Variants in ZFAT observed in about 807,000 individuals in gnomAD.
The protein encoded by ZFAT is zinc finger protein ZFAT.
ZFAT carries 64 observed loss-of-function variants against 117.7 expected under a neutral mutation model. The ratio of observed to expected loss-of-function variants is 0.54; its 90% confidence interval spans 0.44 to 0.67. The LOEUF (loss-of-function observed/expected upper bound fraction) is 0.67. Ranked by LOEUF, ZFAT falls within the 30% of genes least tolerant of loss-of-function variation. ZFAT has a pLI of 0.00. For missense variants in ZFAT, 1,433 were observed against 1,584.5 expected, an observed-to-expected ratio of 0.90 and a Z score of 1.62; for synonymous variants, 679 against 615.0, an observed-to-expected ratio of 1.10 and a Z score of -1.54.
intron 3 of ZFAT, among the ~76,000 whole-genome samples, chr8:134,634,218 T>G (rs1317941895): frequency 1.3e-5 from 2 of 152,158 alleles, no homozygotes; most frequent in East Asian, 3.8e-4. Flanking sequence ...CATGAAAAAT[T>G]TATCTGCCAC....
intron 1 of ZFAT, among the ~76,000 whole-genome samples, chr8:134,680,093 A>T (rs528532542): frequency 8.5e-4 from 120 of 140,666 alleles, no homozygotes; most frequent in African/African-American, 2.5e-3. Flanking sequence ...AAGTATAATT[A>T]AAAAAAAAAA....
At chr8:134,752,842 C>T in the ZFAT span, among the ~76,000 whole-genome samples, 2 of 152,146 alleles carry the variant, frequency 1.3e-5, no homozygotes, top group South Asian at 4.1e-4. Context: ...GCCCCGCCCT[C>T]AGGACTTCAT....
At chr8:134,625,584 C>T (rs1444903574) in intron 3 of ZFAT, among the ~76,000 whole-genome samples, 1 of 152,258 alleles carries the variant, frequency 6.6e-6, no homozygotes, top group African/African-American at 2.4e-5. Context: ...AGGCACTCAG[C>T]TGCTCAAGGG....
At chr8:134,636,967 T>C (rs1383754220) in intron 3 of ZFAT, among the ~76,000 whole-genome samples, 1 of 152,248 alleles carries the variant, frequency 6.6e-6, no homozygotes, top group African/African-American at 2.4e-5. Context: ...AGGTCCCTCA[T>C]AGGAGCCTTG....
intron 1 of ZFAT, among the ~76,000 whole-genome samples, chr8:134,678,772 A>T (rs1832926160): frequency 6.6e-6 from 1 of 152,216 alleles, no homozygotes; most frequent in South Asian, 2.1e-4. Flanking sequence ...CAGAGGCCTC[A>T]GAAATAACAC....
At chr8:134,508,352 G>A (rs541877022) in intron 15 of ZFAT, among the ~76,000 whole-genome samples, 113 of 152,330 alleles carry the variant, frequency 7.4e-4, no homozygotes, top group African/African-American at 2.2e-3. Context: ...TCACTCAGGC[G>A]TCCTTATGTG....
intron 2 of ZFAT, among the ~76,000 whole-genome samples, chr8:134,642,288 A>C (rs1830629844): frequency 6.6e-6 from 1 of 152,180 alleles, no homozygotes; most frequent in East Asian, 1.9e-4. Context: ...AATAGAGACA[A>C]TCTGTGCTGT....
chr8:134,580,367 G>A (rs1171658238), intron 10 of ZFAT, among the ~76,000 whole-genome samples: 1 of 152,192 alleles, frequency 6.6e-6, no homozygotes, highest in African/African-American at 2.4e-5. Flanking sequence ...TGGCTTCTAA[G>A]TAAAAAGCTA....
intron 1 of ZFAT, among the ~76,000 whole-genome samples, chr8:134,674,265 C>T (rs1461972523): frequency 1.3e-5 from 2 of 152,182 alleles, no homozygotes; most frequent in Non-Finnish European, 2.9e-5. Context: ...CTATGGTCTT[C>T]ACAATCGGTA....
At position 134,655,155 on chromosome 8, in the gene ZFAT, A is replaced by G. The variant is rs148070421; in HGVS notation, c.196+2406T>C. ...CAGTGATGAGAGGGAGGAGAGGGGC[A>G]TGGGGGACGGTTGAGAGGGAGGTGA... On this transcript the variant is annotated intron_variant, in intron 2 of 15. Transcript: ENST00000377838. 1.1e-4 allele frequency among the ~76,000 whole-genome samples: 17 copies of G among 152,206 alleles called. No individual in the cohort carries two copies. In the East Asian group the frequency reaches 3.1e-3, roughly 28 times the overall value.
intron 3 of ZFAT, among the ~76,000 whole-genome samples, chr8:134,622,689 C>A (rs1188108651): frequency 6.6e-6 from 1 of 152,158 alleles, no homozygotes; most frequent in Non-Finnish European, 1.5e-5. Context: ...ACACAATGGG[C>A]CCTACTGCTC....
chr8:134,825,818 A>C, the ZFAT span, among the ~76,000 whole-genome samples: 12 of 152,170 alleles, frequency 7.9e-5, no homozygotes, highest in Non-Finnish European at 1.5e-4. Context: ...CAGGAGATCA[A>C]GACTATCCTG....
chr8:134,724,999 C>T, the ZFAT span, among the ~76,000 whole-genome samples: 1 of 152,194 alleles, frequency 6.6e-6, no homozygotes, highest in Admixed American at 6.5e-5. Context: ...AAAGCCCCTC[C>T]CTGGGGCCTT....
chr8:134,494,910 G>A (rs149463291), intron 15 of ZFAT, among the ~76,000 whole-genome samples: 34 of 152,228 alleles, frequency 2.2e-4, no homozygotes, highest in African/African-American at 6.0e-4. Flanking sequence ...GACAGTCTCC[G>A]ATCTTATGCT....
intron 2 of ZFAT, among the ~76,000 whole-genome samples, chr8:134,642,760 T>C (rs925761903): frequency 1.3e-5 from 2 of 152,212 alleles, no homozygotes; most frequent in East Asian, 1.9e-4. Flanking sequence ...CAATCTCTAA[T>C]CACACCAACT....
the ZFAT span, among the ~76,000 whole-genome samples, chr8:134,735,187 G>C: frequency 6.6e-6 from 1 of 152,146 alleles, no homozygotes; most frequent in Non-Finnish European, 1.5e-5. Context: ...GGATTTGGGG[G>C]ATATAAAAAC....
the ZFAT span, among the ~76,000 whole-genome samples, chr8:134,726,035 C>A: frequency 7.2e-5 from 11 of 152,108 alleles, no homozygotes; most frequent in African/African-American, 2.4e-4. Context: ...ACTGCCTAGG[C>A]TCTGTGGGTA....
chr8:134,822,415 T>C, the ZFAT span, among the ~76,000 whole-genome samples: 7,837 of 152,192 alleles, frequency 0.051, 267 homozygotes, highest in Non-Finnish European at 0.076. Flanking sequence ...TAGTAGGTCA[T>C]AAGTAATAAA....
At chr8:134,535,560 T>C (rs1454927784) in intron 11 of ZFAT, among the ~76,000 whole-genome samples, 2 of 139,508 alleles carry the variant, frequency 1.4e-5, no homozygotes, top group African/African-American at 5.2e-5. Flanking sequence ...TCTAAAACAT[T>C]CCCCAGGGAC....
Sources: gnomAD v4.1 joint callset for allele counts (sites outside exome capture counted in the v4.1 genomes callset) on GRCh38, gnomAD v4.1.1 for gene constraint, MANE v1.5 for transcripts, NCBI Gene and HGNC (gene_info 2026-07-23, HGNC 2026-07-21) for gene names.